FAM135A: variants seen among roughly 807,000 people sequenced by gnomAD.
FAM135A encodes family with sequence similarity 135 member A.
Under a neutral mutation model 146.8 loss-of-function variants are expected in FAM135A, and 79 were observed. That is an observed-to-expected ratio of 0.54 (90% CI 0.45 to 0.65). The LOEUF (loss-of-function observed/expected upper bound fraction) is 0.65. FAM135A is among the 30% of genes least tolerant of loss of function. The pLI is 0.00. For missense variants in FAM135A, 1,623 were observed against 1,758.2 expected (o/e 0.92, Z 1.38); for synonymous variants, 562 against 603.6 (o/e 0.93, Z 1.01).
chr6:70,432,708 GATT>G (rs1409757934), intron 4 of FAM135A, among the ~76,000 whole-genome samples: 1 of 151,572 alleles, frequency 6.6e-6, no homozygotes, highest in African/African-American at 2.4e-5. Flanking sequence ...TAGATAAATT[GATT>G]ATATCTCTTT....
In FAM135A at chr6:70,556,759, A is replaced by G; in HGVS notation, c.4238A>G (p.Tyr1413Cys). The change falls in exon 21 of 22, where the codon TAT (tyrosine) becomes TGT (cysteine). Residue 1413 changes from tyrosine to cysteine, a missense_variant. By Grantham distance (194) the Tyr-to-Cys change is radical. Around this residue, in one of 7 missense-constraint regions of FAM135A, gnomAD observed 138 missense variants for 174.1 expected, o/e 0.79. Transcript: ENST00000418814. ...YKLSNKAGLH[Y>C]FKNVVLVGSL... ...TATATTCTATTCACAGGGCTTCATT[A>G]TTTCAAAAATGTTGTGCTAGTGGGA... is the stretch of plus-strand genomic sequence containing the variant. 1 of 1,603,652 alleles carries G rather than the reference A, an allele frequency of 6.2e-7. No homozygotes were observed. The highest frequency in any genetic ancestry group is 8.5e-7 in the Non-Finnish European group (1 of 1,176,138).
At chr6:70,414,675 T>G (rs1218468289) in intron 1 of FAM135A, among the ~76,000 whole-genome samples, 1 of 152,244 alleles carries the variant, frequency 6.6e-6, no homozygotes, top group Non-Finnish European at 1.5e-5. Context: ...TCTTCCAGTT[T>G]AATAACATTT....
chr6:70,463,262 T>C (rs1779764364), intron 5 of FAM135A, among the ~76,000 whole-genome samples: 1 of 152,084 alleles, frequency 6.6e-6, no homozygotes, highest in Non-Finnish European at 1.5e-5. Context: ...CCTTTTTCTT[T>C]TTTTTGAGAT....
chr6:70,415,923 G>C (rs1293488799), intron 2 of FAM135A, among the ~76,000 whole-genome samples: 1 of 151,986 alleles, frequency 6.6e-6, no homozygotes, highest in African/African-American at 2.4e-5. Context: ...AACATGCTTA[G>C]GGCCACCGCA....
Position 70,526,761 on chromosome 6 carries a change from AC to A in FAM135A, c.3614+64del, listed in dbSNP as rs1191551754. Reference sequence around the variant, plus strand: ...TATACATATATATATACACACACACACACATACACACACACACACACACACA... The same window carrying A: ...TATACATATATATATACACACACACAACATACACACACACACACACACACA... On this transcript the variant is annotated intron_variant, in intron 15 of 21. Coordinates refer to ENST00000418814, the MANE Select transcript of FAM135A (RefSeq NM_001162529.3). The A allele has an allele frequency of 1.8e-5, 12 of 664,624 alleles. No homozygotes were observed. The African/African-American group carries it at 3.5e-4, about 20-fold the overall frequency. 41.2% of individuals were successfully genotyped at this position (664,624 alleles called of 1,614,324 possible).
chr6:70,448,288 A>G (rs995587919), intron 4 of FAM135A, among the ~76,000 whole-genome samples: 2 of 152,096 alleles, frequency 1.3e-5, no homozygotes, highest in African/African-American at 4.8e-5. Context: ...TTAGCTGGCA[A>G]ACAAACCTGC....
chr6:70,431,547 ACT>A (rs1562404471), intron 4 of FAM135A, among the ~76,000 whole-genome samples: 81 of 152,328 alleles, frequency 5.3e-4, no homozygotes, highest in African/African-American at 1.9e-3. Context: ...ACCACAAGAT[ACT>A]GGCCAAAGCA....
chr6:70,500,716 T>A (rs1391654294), intron 11 of FAM135A, among the ~76,000 whole-genome samples: 1 of 152,218 alleles, frequency 6.6e-6, no homozygotes, highest in Non-Finnish European at 1.5e-5. Context: ...GTTTGTTAGT[T>A]TTTCTTCTAA....
chr6:70,448,774 A>G (rs1303622526), intron 4 of FAM135A, among the ~76,000 whole-genome samples: 1 of 152,244 alleles, frequency 6.6e-6, no homozygotes, highest in Non-Finnish European at 1.5e-5. Context: ...AAACAAAGGG[A>G]TGGGCCGAAA....
At chr6:70,430,220 C>T (rs1384217234) in intron 4 of FAM135A, among the ~76,000 whole-genome samples, 3 of 152,012 alleles carry the variant, frequency 2.0e-5, no homozygotes, top group African/African-American at 7.3e-5. Flanking sequence ...GCCTGTAATC[C>T]CAGCTACTCG....
intron 4 of FAM135A, among the ~76,000 whole-genome samples, chr6:70,441,850 A>C (rs1774568141): frequency 6.6e-6 from 1 of 152,002 alleles, no homozygotes; most frequent in African/African-American, 2.4e-5. Flanking sequence ...ACGCCTGGCT[A>C]ATTTTTGTAT....
Position 70,555,647 on chromosome 6 carries a change from GGACACATAGAT to G in FAM135A, c.4229-1100_4229-1090del, listed in dbSNP as rs924583011. Among the ~76,000 whole-genome samples, 8 of 152,162 alleles carry G rather than the reference GGACACATAGAT, an allele frequency of 5.3e-5. No homozygotes were observed. In the South Asian group the frequency reaches 1.2e-3, roughly 24 times the overall value. On this transcript the variant is annotated intron_variant, in intron 20 of 21. Coordinates refer to ENST00000418814, the MANE Select transcript of FAM135A (RefSeq NM_001162529.3). ...TAAATGTATGAATACCTGTGCTCTA[GGACACATAGAT>G]GATTCCCAAAGTAGTACTGATAATG...
Position 70,536,313 on chromosome 6 carries a change from C to A in FAM135A, c.4019C>A (p.Pro1340Gln), listed in dbSNP as rs367699883. The change falls in exon 19 of 22, where the codon CCA (proline) becomes CAA (glutamine). Residue 1340 changes from proline to glutamine, a missense_variant. By Grantham distance (76) the Pro-to-Gln change is moderately conservative. Transcript: ENST00000418814. ...ATAATTCGTTCAGTGCTTACAAGGC[C>A]AAGGTTTAAATATTACCTCAACAAA... ...NLIIRSVLTRPRFKYYLNKLH... is the reference protein window; with the variant it reads ...NLIIRSVLTRQRFKYYLNKLH... 14 of 1,613,102 alleles carry A rather than the reference C, an allele frequency of 8.7e-6. No individual in the cohort carries two copies. The highest frequency in any genetic ancestry group is 1.1e-5 in the Non-Finnish European group (13 of 1,179,628).
intron 5 of FAM135A, among the ~76,000 whole-genome samples, chr6:70,466,388 T>C (rs953023453): frequency 6.6e-6 from 1 of 152,164 alleles, no homozygotes; most frequent in Non-Finnish European, 1.5e-5. Flanking sequence ...CAAGGAAATA[T>C]CTGGTTGAGT....
intron 12 of FAM135A, among the ~76,000 whole-genome samples, chr6:70,513,768 G>A (rs922229957): frequency 7.2e-5 from 11 of 151,834 alleles, no homozygotes; most frequent in Non-Finnish European, 1.0e-4. Flanking sequence ...AGCTCAAGTT[G>A]GTCAATAGCG....
intron 11 of FAM135A, among the ~76,000 whole-genome samples, chr6:70,494,053 CAAAAAAA>C (rs35693076): frequency 1.2e-5 from 1 of 81,994 alleles, no homozygotes; most frequent in African/African-American, 4.4e-5. Context: ...GACTCTGTCT[CAAAAAAA>C]AAAAAAAAAA....
intron 1 of FAM135A, among the ~76,000 whole-genome samples, chr6:70,414,468 A>G (rs1767076592): frequency 6.6e-6 from 1 of 151,712 alleles, no homozygotes; most frequent in African/African-American, 2.4e-5. Context: ...TTCTGCACCC[A>G]GTGAGTCTCT....
At chr6:70,442,430 G>A (rs1023569668) in intron 4 of FAM135A, among the ~76,000 whole-genome samples, 1 of 151,680 alleles carries the variant, frequency 6.6e-6, no homozygotes, top group Non-Finnish European at 1.5e-5. Flanking sequence ...AAATTTACGT[G>A]GGTCCAAAAC....
intron 18 of FAM135A, among the ~76,000 whole-genome samples, chr6:70,534,895 T>G (rs539400675): frequency 3.3e-5 from 5 of 152,218 alleles, no homozygotes; most frequent in Non-Finnish European, 7.3e-5. Flanking sequence ...AAGTCATTTT[T>G]TAAAAAACAG....
Sources: allele counts gnomAD v4.1 joint callset (sites outside exome capture counted in the v4.1 genomes callset), GRCh38; gene constraint gnomAD v4.1.1; regional missense constraint gnomAD v4.1.1; transcripts MANE v1.5; gene names NCBI Gene and HGNC (gene_info 2026-07-23, HGNC 2026-07-21).